The following GRID1 variants were observed in gnomAD, a reference collection of about 807,000 sequenced individuals.
GRID1 encodes the protein glutamate receptor ionotropic, delta-1.
A neutral mutation model predicts 98.0 loss-of-function variants in GRID1; 28 were observed. The observed-to-expected ratio is 0.29, with a 90% CI of 0.21 to 0.39. The LOEUF is 0.39. Ranked by LOEUF, GRID1 falls within the 10% of genes least tolerant of loss-of-function variation. GRID1 has a pLI of 1.00. For synonymous variants in GRID1, 553 were observed against 538.5 expected (o/e 1.03, Z -0.37); for missense variants, 1,111 against 1,340.5 (o/e 0.83, Z 2.67).
intron 8 of GRID1, among the ~76,000 whole-genome samples, chr10:85,769,253 C>T (rs956073841): frequency 6.6e-6 from 1 of 152,244 alleles, no homozygotes; most frequent in African/African-American, 2.4e-5. Context: ...CAAATTAATA[C>T]CAGAACAGAA....
chr10:86,253,587 A>G (rs1846870215), intron 2 of GRID1, among the ~76,000 whole-genome samples: 1 of 152,110 alleles, frequency 6.6e-6, no homozygotes, highest in Non-Finnish European at 1.5e-5. Flanking sequence ...ACACCCACCC[A>G]GCCAGGCCCT....
chr10:86,012,649 G>T (rs942841621), intron 4 of GRID1, among the ~76,000 whole-genome samples: 1 of 152,158 alleles, frequency 6.6e-6, no homozygotes, highest in Non-Finnish European at 1.5e-5. Flanking sequence ...AAGAGATGGA[G>T]CCTTTGGGAG....
At chr10:85,814,093 C>G (rs2131746196) in intron 8 of GRID1, among the ~76,000 whole-genome samples, 1 of 151,942 alleles carries the variant, frequency 6.6e-6, no homozygotes, top group African/African-American at 2.4e-5. Flanking sequence ...AAACCCAACT[C>G]TATCAATAAT....
chr10:86,039,635 G>T (rs1173052501), intron 4 of GRID1, among the ~76,000 whole-genome samples: 1 of 152,172 alleles, frequency 6.6e-6, no homozygotes, highest in Non-Finnish European at 1.5e-5. Context: ...GTGAGTAGAA[G>T]GGCGAGCTGA....
intron 13 of GRID1, among the ~76,000 whole-genome samples, chr10:85,642,265 T>C (rs1037324116): frequency 6.6e-6 from 1 of 152,208 alleles, no homozygotes; most frequent in African/African-American, 2.4e-5. Flanking sequence ...TAGGTCAGAT[T>C]TGACCAGGAG....
chr10:86,339,281 G>A (rs1483584997), intron 2 of GRID1, among the ~76,000 whole-genome samples: 2 of 152,262 alleles, frequency 1.3e-5, no homozygotes, highest in Non-Finnish European at 2.9e-5. Context: ...CAGGGGAGGA[G>A]GAGGAGGAGG....
At chr10:85,772,245 G>T (rs1462154480) in intron 8 of GRID1, among the ~76,000 whole-genome samples, 1 of 152,002 alleles carries the variant, frequency 6.6e-6, no homozygotes, top group East Asian at 1.9e-4. Flanking sequence ...CGAAATGAAG[G>T]CAGAAATAAA....
intron 4 of GRID1, among the ~76,000 whole-genome samples, chr10:86,125,797 G>A (rs981489379): frequency 4.6e-5 from 7 of 152,072 alleles, no homozygotes; most frequent in African/African-American, 7.2e-5. Context: ...ATGATGAGCC[G>A]CTTCCACTTA....
intron 4 of GRID1, among the ~76,000 whole-genome samples, chr10:85,942,403 T>TC (rs1265524545): frequency 2.6e-5 from 4 of 152,156 alleles, no homozygotes; most frequent in Non-Finnish European, 4.4e-5. Flanking sequence ...CTCTTATGTC[T>TC]CCAACTGTCT....
intron 12 of GRID1, among the ~76,000 whole-genome samples, chr10:85,718,527 T>G (rs1192744107): frequency 6.6e-6 from 1 of 152,272 alleles, no homozygotes; most frequent in African/African-American, 2.4e-5. Context: ...TTCCTGAACC[T>G]CAATTCTTCA....
At chr10:86,196,924 A>G (rs1191744035) in intron 3 of GRID1, among the ~76,000 whole-genome samples, 1 of 151,810 alleles carries the variant, frequency 6.6e-6, no homozygotes, top group African/African-American at 2.4e-5. Flanking sequence ...GGGCCAATAA[A>G]TGGGCAATGA....
At chr10:86,123,890 C>A (rs541029217) in intron 4 of GRID1, among the ~76,000 whole-genome samples, 1 of 152,196 alleles carries the variant, frequency 6.6e-6, no homozygotes, top group African/African-American at 2.4e-5. Flanking sequence ...TGCGAACTTG[C>A]TCTGTGAGGC....
chr10:85,844,456 CACACACACACAA>C (rs1312250147), intron 8 of GRID1, among the ~76,000 whole-genome samples: 1 of 139,168 alleles, frequency 7.2e-6, no homozygotes, highest in Non-Finnish European at 1.6e-5. Flanking sequence ...CACACACACA[CACACACACACAA>C]ATGAAACTGG....
At chr10:85,628,404 G>A (rs187031299) in intron 13 of GRID1, among the ~76,000 whole-genome samples, 15 of 152,166 alleles carry the variant, frequency 9.9e-5, no homozygotes, top group African/African-American at 3.6e-4. Context: ...GTGTTTATGT[G>A]TGAGTGTATG....
chr10:85,639,912 T>C (rs1205456072), intron 13 of GRID1, among the ~76,000 whole-genome samples: 2 of 152,160 alleles, frequency 1.3e-5, no homozygotes. Context: ...TAACATATAG[T>C]AGATGCTAAG....
chr10:85,751,089 T>C (rs1201763987), intron 8 of GRID1, among the ~76,000 whole-genome samples: 3 of 152,084 alleles, frequency 2.0e-5, no homozygotes, highest in African/African-American at 4.8e-5. Flanking sequence ...GGACATGAGA[T>C]GAGGGAGATT....
chr10:85,771,914 G>A (rs1473860516), intron 8 of GRID1, among the ~76,000 whole-genome samples: 4 of 152,202 alleles, frequency 2.6e-5, no homozygotes, highest in South Asian at 2.1e-4. Context: ...ACAGATCAAC[G>A]AGACAGAAAG....
chr10:86,089,125 G>A (rs1423687531), intron 4 of GRID1, among the ~76,000 whole-genome samples: 1 of 152,154 alleles, frequency 6.6e-6, no homozygotes, highest in Admixed American at 6.5e-5. Flanking sequence ...GCCCAGCTGG[G>A]TCATATCCAA....
At chr10:85,897,824 A>G (rs1325447448) in intron 5 of GRID1, among the ~76,000 whole-genome samples, 2 of 151,968 alleles carry the variant, frequency 1.3e-5, no homozygotes, top group Admixed American at 1.3e-4. Context: ...GATCCCCTGA[A>G]CTGGTAATTC....
Sources: gnomAD v4.1 joint callset for allele counts (sites outside exome capture counted in the v4.1 genomes callset) on GRCh38, gnomAD v4.1.1 for gene constraint, MANE v1.5 for transcripts, NCBI Gene and HGNC (gene_info 2026-07-23, HGNC 2026-07-21) for gene names.